The following CADM1 variants were observed in gnomAD, a reference collection of about 807,000 sequenced individuals.
CADM1 encodes cell adhesion molecule 1, also known as TSLC-1.
CADM1 carries 15 observed loss-of-function variants against 53.1 expected under a neutral mutation model. That is an observed-to-expected ratio of 0.28 (90% CI 0.19 to 0.44). The LOEUF (loss-of-function observed/expected upper bound fraction) is 0.44, where lower values mean the gene tolerates loss of function less well. CADM1 is among the 20% of genes least tolerant of loss of function. CADM1 has a pLI of 1.00. For missense variants in CADM1, 434 were observed against 611.3 expected, an observed-to-expected ratio of 0.71 and a Z score of 3.06; for synonymous variants, 281 against 243.0, an observed-to-expected ratio of 1.16 and a Z score of -1.45.
intron 1 of CADM1, among the ~76,000 whole-genome samples, chr11:115,264,350 A>G (rs533418534): frequency 3.9e-5 from 6 of 152,346 alleles, no homozygotes; most frequent in African/African-American, 1.2e-4. Context: ...TTGTCCAATC[A>G]CTTTACTTAA....
At chr11:115,342,177 T>TA (rs1371146200) in intron 1 of CADM1, among the ~76,000 whole-genome samples, 1 of 152,174 alleles carries the variant, frequency 6.6e-6, no homozygotes, top group East Asian at 1.9e-4. Flanking sequence ...GCGACTACAT[T>TA]AAAACACATA....
At chr11:115,234,955 A>G (rs1591630616) in intron 3 of CADM1, among the ~76,000 whole-genome samples, 1 of 150,236 alleles carries the variant, frequency 6.7e-6, no homozygotes, top group Non-Finnish European at 1.5e-5. Context: ...GGGCTTATTC[A>G]TTGTTGAGAT....
At chr11:115,216,440 C>T (rs1453657381) in intron 6 of CADM1, among the ~76,000 whole-genome samples, 2 of 152,254 alleles carry the variant, frequency 1.3e-5, no homozygotes, top group South Asian at 2.1e-4. Flanking sequence ...TGGCCGAGCA[C>T]GGGTATTGCA....
intron 1 of CADM1, 64 bp downstream of exon 1, chr11:115,504,207 G>A: frequency 6.4e-7 from 1 of 1,551,662 alleles, no homozygotes. Flanking sequence ...TCCCCCCTCT[G>A]TGGCCAAGGC....
At chr11:115,264,349 CACTTT>C (rs1365507258) in intron 1 of CADM1, among the ~76,000 whole-genome samples, 1 of 152,300 alleles carries the variant, frequency 6.6e-6, no homozygotes, top group African/African-American at 2.4e-5. Context: ...TTTGTCCAAT[CACTTT>C]ACTTAACACA....
chr11:115,401,423 A>G (rs1402804428), intron 1 of CADM1, among the ~76,000 whole-genome samples: 1 of 152,172 alleles, frequency 6.6e-6, no homozygotes, highest in Admixed American at 6.5e-5. Context: ...CCTGGCCAAC[A>G]TGGTGAAACC....
chr11:115,468,889 CA>C (rs1267403445), intron 1 of CADM1, among the ~76,000 whole-genome samples: 1 of 152,160 alleles, frequency 6.6e-6, no homozygotes, highest in Non-Finnish European at 1.5e-5. Context: ...AAAGGAGGAG[CA>C]AAGTTACGTC....
intron 1 of CADM1, among the ~76,000 whole-genome samples, chr11:115,417,814 C>G (rs1947641908): frequency 6.6e-6 from 1 of 152,146 alleles, no homozygotes; most frequent in Non-Finnish European, 1.5e-5. Context: ...TAACTGAAAC[C>G]AACAAAAGTG....
intron 1 of CADM1, among the ~76,000 whole-genome samples, chr11:115,324,265 G>A (rs1299515485): frequency 6.6e-6 from 1 of 152,156 alleles, no homozygotes; most frequent in Admixed American, 6.6e-5. Flanking sequence ...TCTCTGAACT[G>A]CATCATGCAT....
intron 1 of CADM1, among the ~76,000 whole-genome samples, chr11:115,460,643 ATGG>A (rs1241151938): frequency 6.6e-6 from 1 of 152,200 alleles, no homozygotes; most frequent in Non-Finnish European, 1.5e-5. Context: ...AGTAATTAAC[ATGG>A]TGAAGCATCA....
chr11:115,270,128 A>G (rs1288388244), intron 1 of CADM1, among the ~76,000 whole-genome samples: 1 of 152,230 alleles, frequency 6.6e-6, no homozygotes. Context: ...CCAAAATGAC[A>G]GCGCTCTTTC....
intron 1 of CADM1, among the ~76,000 whole-genome samples, chr11:115,439,250 T>C (rs1948253914): frequency 6.6e-6 from 1 of 152,156 alleles, no homozygotes. Flanking sequence ...GAGGCAAAGA[T>C]AATATTATGG....
At chr11:115,457,561 C>A (rs1420345051) in intron 1 of CADM1, among the ~76,000 whole-genome samples, 1 of 152,062 alleles carries the variant, frequency 6.6e-6, no homozygotes, top group African/African-American at 2.4e-5. Flanking sequence ...TTTTGTCTTG[C>A]CAGCAAATCC....
At chr11:115,447,906 C>A in intron 1 of CADM1, among the ~76,000 whole-genome samples, 1 of 152,308 alleles carries the variant, frequency 6.6e-6, no homozygotes, top group African/African-American at 2.4e-5. Flanking sequence ...GGTGTTCTTT[C>A]TTAGGTGCTC....
intron 1 of CADM1, among the ~76,000 whole-genome samples, chr11:115,363,045 C>CA (rs901428764): frequency 1.6e-4 from 24 of 152,028 alleles, no homozygotes; most frequent in African/African-American, 2.4e-4. Context: ...TCCCTACCAA[C>CA]AAAAAAAATC....
rs1337010018 is a variant in CADM1 at position 115,345,191 on chromosome 11, TGAG to T, written c.125-104774_125-104772del. On this transcript the variant is annotated intron_variant, in intron 1 of 11. Coordinates refer to ENST00000331581, the MANE Select transcript of CADM1 (RefSeq NM_001301043.2). ...CTGCCACCACGCTGACCAAAGAACA[TGAG>T]GAGAAGCTAAATTAGACTCTTAACC... is the stretch of plus-strand genomic sequence containing the variant. Among the ~76,000 whole-genome samples, 5 of 152,032 alleles carry T rather than the reference TGAG, an allele frequency of 3.3e-5. No individual in the cohort carries two copies. The East Asian group carries it at 7.7e-4, about 24-fold the overall frequency.
At chr11:115,473,304 A>T (rs191350331) in intron 1 of CADM1, among the ~76,000 whole-genome samples, 8 of 152,208 alleles carry the variant, frequency 5.3e-5, no homozygotes, top group African/African-American at 1.4e-4. Flanking sequence ...ACAAAATTTT[A>T]AAAAATTCGC....
chr11:115,218,047 T>A, intron 5 of CADM1, 56 bp from the exon 6 acceptor site: 1 of 1,271,172 alleles, frequency 7.9e-7, no homozygotes, highest in South Asian at 1.2e-5. Context: ...TCAGGCAAAA[T>A]CAGACTCACA....
chr11:115,323,964 C>T (rs1238376374), intron 1 of CADM1, among the ~76,000 whole-genome samples: 1 of 151,496 alleles, frequency 6.6e-6, no homozygotes, highest in African/African-American at 2.4e-5. Context: ...GTTGCTGTTC[C>T]AGGAGAAGCA....
Sources: allele counts gnomAD v4.1 joint callset (sites outside exome capture counted in the v4.1 genomes callset), GRCh38; gene constraint gnomAD v4.1.1; transcripts MANE v1.5; gene names NCBI Gene and HGNC (gene_info 2026-07-23, HGNC 2026-07-21).